The following DMD variants were observed in gnomAD, a reference collection of about 807,000 sequenced individuals.
The protein encoded by DMD is mutant dystrophin.
A neutral mutation model predicts 330.1 loss-of-function variants in DMD; 63 were observed. That is an observed-to-expected ratio of 0.19 (90% CI 0.16 to 0.24). DMD has a LOEUF of 0.24. DMD is among the 10% of genes least tolerant of loss of function. DMD has a pLI of 1.00. For synonymous variants in DMD, 1,223 were observed against 959.8 expected (o/e 1.27, Z -5.07); for missense variants, 3,344 against 2,684.1 (o/e 1.25, Z -5.43).
At chrX:31,701,677 C>T (rs748895734) in intron 52 of DMD, among the ~76,000 whole-genome samples, 2 of 112,102 alleles carry the variant, frequency 1.8e-5, no homozygotes, top group Non-Finnish European at 3.8e-5. Flanking sequence ...CTACACCCCA[C>T]CTGCGTCCCC....
At chrX:32,506,021 G>T (rs752274916) in intron 18 of DMD, among the ~76,000 whole-genome samples, 11 of 112,231 alleles carry the variant, frequency 9.8e-5, no homozygotes, top group South Asian at 7.4e-4. Context: ...GATTAGGAGA[G>T]AAGTGTAGAT....
chrX:31,162,407 C>G (rs1236567117), intron 74 of DMD, among the ~76,000 whole-genome samples: 1 of 90,653 alleles, frequency 1.1e-5, no homozygotes, highest in Non-Finnish European at 2.2e-5. Context: ...AACATAAACT[C>G]TTATCCAGCA....
chrX:31,630,539 T>A (rs949865281), intron 54 of DMD, among the ~76,000 whole-genome samples: 3 of 111,413 alleles, frequency 2.7e-5, no homozygotes, highest in Non-Finnish European at 5.6e-5. Context: ...GTGCCAGGTC[T>A]AGTCTAGAAT....
chrX:32,949,951 T>A (rs774769392), intron 2 of DMD, among the ~76,000 whole-genome samples: 1 of 94,742 alleles, frequency 1.1e-5, no homozygotes, highest in Non-Finnish European at 2.1e-5. Flanking sequence ...ACATCCAGTG[T>A]AAAGGTGCAG....
rs149588875 is a variant in DMD, at chrX:31,224,729, C to T, written c.9287-1608G>A. Among the ~76,000 whole-genome samples, 672 of 111,948 alleles carry T rather than the reference C, an allele frequency of 6.0e-3. 5 individuals are homozygous for T. Among genetic ancestry groups the T allele is most frequent in the African/African-American group, 0.021 (641 of 30,805 alleles). ...AGCTTTATTCATAATAGTCAAAAAC[C>T]GGAAACCAACCAGTAAGGTAATGGA... On this transcript the variant is annotated intron_variant, in intron 63 of 78. Transcript: ENST00000357033.
Position 32,762,398 on chromosome X carries a change from G to A in DMD, c.649+47095C>T, listed in dbSNP as rs755801907. Among the ~76,000 whole-genome samples, 4 of 111,543 alleles carry A rather than the reference G, an allele frequency of 3.6e-5. No individual in the cohort carries two copies. In the South Asian group the frequency reaches 1.5e-3, roughly 42 times the overall value. ...CATTCTCCTAGCTACTGGCTATACA[G>A]TACTGAAGCCAACGGACAAAGTCCT... On this transcript the variant is annotated intron_variant, in intron 7 of 78. Transcript: ENST00000357033.
At chrX:32,215,431 G>A (rs6653863) in intron 44 of DMD, among the ~76,000 whole-genome samples, 32,916 of 110,047 alleles carry the variant, frequency 0.3, 4,264 homozygotes, top group African/African-American at 0.48. Flanking sequence ...GTACTCCCTA[G>A]TTAACCTTCT....
In DMD at chrX:32,200,931, TG is replaced by T. The variant is rs755391702; in HGVS notation, c.6438+15984del. 2.4e-3 allele frequency among the ~76,000 whole-genome samples: 266 copies of T among 111,601 alleles called. 1 individual carries two copies. The highest frequency in any genetic ancestry group is 4.1e-3 in the Non-Finnish European group (217 of 53,126). On this transcript the variant is annotated intron_variant, in intron 44 of 78. Coordinates refer to ENST00000357033, the MANE Select transcript of DMD (RefSeq NM_004006.3). ...CAAATTTCAAAATTATTTCTCTGCT[TG>T]GATGAGGCACCACGTCTCACTCCTT...
chrX:32,658,621 GTTGA>G (rs1421263660), intron 9 of DMD, among the ~76,000 whole-genome samples: 1 of 111,015 alleles, frequency 9.0e-6, no homozygotes, highest in Non-Finnish European at 1.9e-5. Context: ...ACTTCTCACT[GTTGA>G]TTATCTTTCC....
intron 1 of DMD, among the ~76,000 whole-genome samples, chrX:33,269,113 T>C (rs1422226252): frequency 9.0e-6 from 1 of 110,929 alleles, no homozygotes; most frequent in Non-Finnish European, 1.9e-5. Context: ...AAATAGATCA[T>C]TTTATCAAAA....
intron 7 of DMD, among the ~76,000 whole-genome samples, chrX:32,706,348 C>T (rs1234680643): frequency 9.3e-6 from 1 of 107,334 alleles, no homozygotes; most frequent in Non-Finnish European, 1.9e-5. Flanking sequence ...CAAACCTGCA[C>T]GTTGTGCACA....
intron 48 of DMD, among the ~76,000 whole-genome samples, chrX:31,845,056 G>GTA (rs1261017674): frequency 1.5e-4 from 12 of 79,425 alleles, no homozygotes; most frequent in African/African-American, 6.8e-4. Context: ...GTATATGTGT[G>GTA]TATATATATG....
chrX:33,276,974 C>T (rs112627343), intron 1 of DMD, among the ~76,000 whole-genome samples: 1,228 of 111,837 alleles, frequency 0.011, 20 homozygotes, highest in African/African-American at 0.038. Flanking sequence ...CATTTATGTA[C>T]GTATACATTT....
At chrX:31,558,926 C>T (rs1011669233) in intron 55 of DMD, among the ~76,000 whole-genome samples, 1 of 111,441 alleles carries the variant, frequency 9.0e-6, no homozygotes, top group Non-Finnish European at 1.9e-5. Context: ...CACACTCAAG[C>T]CTGCCAAAGG....
At chrX:32,837,673 T>G (rs2079776046) in intron 4 of DMD, among the ~76,000 whole-genome samples, 1 of 111,888 alleles carries the variant, frequency 8.9e-6, no homozygotes, top group Non-Finnish European at 1.9e-5. Context: ...TCAGGACAGT[T>G]AATACACTTG....
chrX:31,718,776 T>C (rs902122874), intron 52 of DMD, among the ~76,000 whole-genome samples: 11 of 112,031 alleles, frequency 9.8e-5, no homozygotes, highest in Non-Finnish European at 1.9e-4. Flanking sequence ...CATTATTTTA[T>C]AGCAGCCTGA....
chrX:32,962,919 A>G (rs1276844774), intron 2 of DMD, among the ~76,000 whole-genome samples: 1 of 111,069 alleles, frequency 9.0e-6, no homozygotes, highest in Non-Finnish European at 1.9e-5. Context: ...CAGGGGCAAG[A>G]AAGAAACAGT....
intron 1 of DMD, among the ~76,000 whole-genome samples, chrX:33,253,496 C>T (rs1004395603): frequency 9.0e-6 from 1 of 111,353 alleles, no homozygotes; most frequent in African/African-American, 3.2e-5. Flanking sequence ...AAAATAGATA[C>T]ATTTATCATT....
chrX:31,937,504 A>AT (rs1212375884), intron 45 of DMD, among the ~76,000 whole-genome samples: 5 of 111,340 alleles, frequency 4.5e-5, no homozygotes, highest in Non-Finnish European at 9.5e-5. Context: ...TCTTATCTAG[A>AT]TTTTTTTTAT....
Sources: gnomAD v4.1 joint callset for allele counts (sites outside exome capture counted in the v4.1 genomes callset) on GRCh38, gnomAD v4.1.1 for gene constraint, MANE v1.5 for transcripts, NCBI Gene and HGNC (gene_info 2026-07-23, HGNC 2026-07-21) for gene names.